The following PDE4B variants were observed in gnomAD, a reference collection of about 807,000 sequenced individuals.
PDE4B encodes phosphodiesterase 4B, also known as 3',5'-cyclic-AMP phosphodiesterase 4B.
Under a neutral mutation model 82.2 loss-of-function variants are expected in PDE4B, and 20 were observed. That is an observed-to-expected ratio of 0.24 (90% CI 0.17 to 0.35). PDE4B has a LOEUF of 0.35. Among genes scored for constraint, PDE4B ranks in the 10% least tolerant of loss-of-function variants. The probability of loss-of-function intolerance (pLI) is 1.00; values close to 1 mark genes in which losing one functional copy is unlikely to be tolerated. For synonymous variants in PDE4B, 320 were observed against 318.9 expected, an observed-to-expected ratio of 1.00 and a Z score of -0.04; for missense variants, 655 against 907.2, an observed-to-expected ratio of 0.72 and a Z score of 3.57.
intron 1 of PDE4B, among the ~76,000 whole-genome samples, chr1:65,849,497 G>A (rs1394224254): frequency 6.6e-6 from 1 of 152,152 alleles, no homozygotes. Context: ...AAGTAGAGTT[G>A]TCCGGCCAGT....
At chr1:66,097,355 T>A (rs887960243) in intron 3 of PDE4B, among the ~76,000 whole-genome samples, 4 of 152,114 alleles carry the variant, frequency 2.6e-5, no homozygotes, top group African/African-American at 9.6e-5. Context: ...TTATAACTAA[T>A]GATGTTGAAG....
intron 1 of PDE4B, among the ~76,000 whole-genome samples, chr1:65,858,589 G>T (rs1043036816): frequency 2.0e-5 from 3 of 152,140 alleles, no homozygotes; most frequent in African/African-American, 7.2e-5. Context: ...ACAGCAATTG[G>T]AAATTAGAAA....
intron 1 of PDE4B, among the ~76,000 whole-genome samples, chr1:65,847,765 T>C (rs2101374091): frequency 6.6e-6 from 1 of 152,322 alleles, no homozygotes; most frequent in East Asian, 1.9e-4. Context: ...AGTTCTTTAG[T>C]ATACTATCAT....
At chr1:66,283,581 T>C (rs887445596) in intron 7 of PDE4B, among the ~76,000 whole-genome samples, 7 of 152,124 alleles carry the variant, frequency 4.6e-5, no homozygotes, top group African/African-American at 1.2e-4. Context: ...AAAATTACCA[T>C]GTTTTAGAGC....
chr1:66,372,987 C>T lies in PDE4B; in HGVS notation c.*309C>T, dbSNP rs979701438. On this transcript the variant is annotated 3_prime_UTR_variant, in exon 17 of 17. Coordinates refer to ENST00000341517, the MANE Select transcript of PDE4B (RefSeq NM_002600.4). ...TGAGAGATCATTCTGCACTAAGTTT[C>T]GGGAACTTATCCCCGACAGTGACTG... 3 of 263,402 alleles carry T rather than the reference C, an allele frequency of 1.1e-5. No homozygotes were observed. Among genetic ancestry groups the T allele is most frequent in the Non-Finnish European group, 1.5e-5 (2 of 136,882 alleles). 16.3% of individuals were successfully genotyped at this position (263,402 alleles called of 1,614,324 possible).
At chr1:66,222,346 G>T (rs567279) in intron 3 of PDE4B, among the ~76,000 whole-genome samples, 148,295 of 152,352 alleles carry the variant, frequency 0.97, 72,291 homozygotes, top group Middle Eastern at 1. Context: ...AACTAAGGTT[G>T]CTTGCCTTTA....
intron 1 of PDE4B, among the ~76,000 whole-genome samples, chr1:65,878,154 A>T (rs1178358889): frequency 1.3e-5 from 2 of 152,364 alleles, no homozygotes; most frequent in Middle Eastern, 3.4e-3. Context: ...TGGTCATTAG[A>T]TAAATGCAAA....
chr1:66,302,848 T>C (rs1657997879), intron 7 of PDE4B, among the ~76,000 whole-genome samples: 1 of 152,152 alleles, frequency 6.6e-6, no homozygotes, highest in African/African-American at 2.4e-5. Context: ...CTGGTGCTCT[T>C]CTCTTTCTGG....
intron 3 of PDE4B, among the ~76,000 whole-genome samples, chr1:66,197,833 TGA>T (rs1007838658): frequency 1.3e-5 from 2 of 152,124 alleles, no homozygotes; most frequent in Non-Finnish European, 1.5e-5. Flanking sequence ...GCATTTAATT[TGA>T]GAGAGAGAAA....
chr1:66,359,262 A>G (rs979594357), intron 9 of PDE4B, among the ~76,000 whole-genome samples: 2 of 152,202 alleles, frequency 1.3e-5, no homozygotes, highest in Admixed American at 6.5e-5. Flanking sequence ...ATGAGCCTCA[A>G]ATTATGCCAT....
chr1:66,018,369 G>A (rs1298966075), intron 3 of PDE4B, among the ~76,000 whole-genome samples: 2 of 152,068 alleles, frequency 1.3e-5, no homozygotes, highest in East Asian at 3.9e-4. Context: ...GCAGTGAGCC[G>A]AGATCGTGCC....
chr1:66,096,783 A>G (rs1273875054), intron 3 of PDE4B, among the ~76,000 whole-genome samples: 2 of 151,656 alleles, frequency 1.3e-5, no homozygotes, highest in Non-Finnish European at 1.5e-5. Context: ...CCACTTTCTA[A>G]ACAATCTCCT....
intron 3 of PDE4B, chr1:65,993,215 GA>G: frequency 8.6e-7 from 1 of 1,156,268 alleles, no homozygotes; most frequent in Non-Finnish European, 1.2e-6. Context: ...TAGCAGTGTA[GA>G]AAATGGAACA....
intron 7 of PDE4B, among the ~76,000 whole-genome samples, chr1:66,292,010 A>C (rs1289204413): frequency 6.6e-6 from 1 of 152,162 alleles, no homozygotes; most frequent in African/African-American, 2.4e-5. Context: ...TTAGAGCCAA[A>C]TGGTACTCAT....
At chr1:66,035,550 A>G (rs1193000464) in intron 3 of PDE4B, among the ~76,000 whole-genome samples, 1 of 152,034 alleles carries the variant, frequency 6.6e-6, no homozygotes, top group Non-Finnish European at 1.5e-5. Context: ...TAACTTTTTT[A>G]GTTTCCACAT....
intron 1 of PDE4B, among the ~76,000 whole-genome samples, chr1:65,806,322 A>C (rs1170092461): frequency 6.6e-6 from 1 of 152,226 alleles, no homozygotes; most frequent in Non-Finnish European, 1.5e-5. Context: ...GTACACAATT[A>C]TTTTATGTAT....
chr1:66,333,780 G>A (rs1405194241), intron 8 of PDE4B, among the ~76,000 whole-genome samples: 4 of 152,088 alleles, frequency 2.6e-5, no homozygotes, highest in Non-Finnish European at 5.9e-5. Context: ...AAGGAGGGGA[G>A]GGGGGACTCT....
intron 3 of PDE4B, among the ~76,000 whole-genome samples, chr1:66,167,034 C>T (rs1396857564): frequency 6.6e-6 from 1 of 152,124 alleles, no homozygotes; most frequent in Non-Finnish European, 1.5e-5. Flanking sequence ...TGGCTATGGT[C>T]AATAAGACAG....
chr1:66,253,649 TTAAC>T (rs1170962755), intron 4 of PDE4B, among the ~76,000 whole-genome samples: 2 of 152,228 alleles, frequency 1.3e-5, no homozygotes, highest in Admixed American at 6.5e-5. Context: ...CATTTGATTC[TTAAC>T]TAGTGATTTA....
Sources: gnomAD v4.1 joint callset for allele counts (sites outside exome capture counted in the v4.1 genomes callset) on GRCh38, gnomAD v4.1.1 for gene constraint, MANE v1.5 for transcripts, NCBI Gene and HGNC (gene_info 2026-07-23, HGNC 2026-07-21) for gene names.